Variants in DTD1 observed in about 807,000 individuals in gnomAD.
The protein encoded by DTD1 is D-tyrosyl-tRNA deacylase 1 homolog.
A neutral mutation model predicts 25.6 loss-of-function variants in DTD1; 13 were observed. The ratio of observed to expected loss-of-function variants is 0.51; its 90% CI spans 0.33 to 0.81. DTD1 has a LOEUF of 0.81. Among genes scored for constraint, DTD1 ranks in the 30% least tolerant of loss-of-function variants. The pLI, the probability that DTD1 is intolerant of heterozygous loss-of-function variation, is 0.02. For missense variants in DTD1, 193 were observed against 266.4 expected (o/e 0.72, Z 1.92); for synonymous variants, 110 against 103.6 (o/e 1.06, Z -0.37).
intron 3 of DTD1, among the ~76,000 whole-genome samples, chr20:18,613,376 A>C (rs1039510309): frequency 9.2e-5 from 14 of 152,316 alleles, no homozygotes; most frequent in African/African-American, 3.4e-4. Context: ...CTGCTCTGCG[A>C]AACTGTTGCT....
chr20:18,611,960 T>G (rs1395208818), intron 3 of DTD1, among the ~76,000 whole-genome samples: 1 of 152,024 alleles, frequency 6.6e-6, no homozygotes, highest in Admixed American at 6.6e-5. Context: ...ATTCAAGTGA[T>G]TCTCATGCCT....
At chr20:18,673,070 G>C (rs975291055) in intron 4 of DTD1, among the ~76,000 whole-genome samples, 7 of 152,218 alleles carry the variant, frequency 4.6e-5, no homozygotes, top group African/African-American at 9.6e-5. Context: ...ATTGCAGAAA[G>C]AGTTAAGTGA....
intron 3 of DTD1, among the ~76,000 whole-genome samples, chr20:18,596,542 A>C (rs2060612314): frequency 6.6e-6 from 1 of 152,204 alleles, no homozygotes; most frequent in Non-Finnish European, 1.5e-5. Flanking sequence ...GCCCTGTCCA[A>C]TAGAAGTATA....
intron 3 of DTD1, among the ~76,000 whole-genome samples, chr20:18,617,577 A>T (rs2060713989): frequency 6.6e-6 from 1 of 152,008 alleles, no homozygotes; most frequent in Non-Finnish European, 1.5e-5. Context: ...TAATGATTGA[A>T]TAGGTAGTAG....
At chr20:18,674,145 T>A (rs2060960935) in intron 4 of DTD1, among the ~76,000 whole-genome samples, 1 of 152,206 alleles carries the variant, frequency 6.6e-6, no homozygotes, top group African/African-American at 2.4e-5. Context: ...AGAGAAACTG[T>A]TGCAAGTGAA....
At chr20:18,629,382 C>T (rs1319142267) in intron 4 of DTD1, among the ~76,000 whole-genome samples, 2 of 149,148 alleles carry the variant, frequency 1.3e-5, no homozygotes, top group African/African-American at 5.0e-5. Flanking sequence ...CTCACTCCAG[C>T]CTCGACCTCC....
intron 3 of DTD1, among the ~76,000 whole-genome samples, chr20:18,609,397 C>G (rs1044255077): frequency 1.3e-5 from 2 of 152,018 alleles, no homozygotes; most frequent in African/African-American, 4.8e-5. Context: ...AGCAATCTAC[C>G]TGACATGGCT....
intron 4 of DTD1, among the ~76,000 whole-genome samples, chr20:18,735,703 C>T (rs1820587612): frequency 6.6e-6 from 1 of 152,072 alleles, no homozygotes; most frequent in African/African-American, 2.4e-5. Context: ...ATTGTAGACT[C>T]AAGACAAAGA....
At chr20:18,654,218 C>G (rs1172677103) in intron 4 of DTD1, among the ~76,000 whole-genome samples, 1 of 152,132 alleles carries the variant, frequency 6.6e-6, no homozygotes, top group Non-Finnish European at 1.5e-5. Context: ...GGAGGGTTTT[C>G]CTGTGCTGTT....
intron 3 of DTD1, among the ~76,000 whole-genome samples, chr20:18,598,577 A>G (rs929087853): frequency 6.6e-6 from 1 of 151,684 alleles, no homozygotes; most frequent in Non-Finnish European, 1.5e-5. Context: ...GGCTCACTGC[A>G]AGCTCTGCCT....
At chr20:18,676,024 C>T (rs1040347333) in intron 4 of DTD1, among the ~76,000 whole-genome samples, 6 of 152,160 alleles carry the variant, frequency 3.9e-5, no homozygotes, top group Non-Finnish European at 7.4e-5. Flanking sequence ...TGCCATAAGA[C>T]ATATCATAGT....
intron 4 of DTD1, among the ~76,000 whole-genome samples, chr20:18,713,067 G>T (rs987301051): frequency 1.3e-5 from 2 of 152,258 alleles, no homozygotes; most frequent in Non-Finnish European, 2.9e-5. Context: ...GGGGCTGCTG[G>T]AGAGCTGTTC....
intron 5 of DTD1, among the ~76,000 whole-genome samples, chr20:18,757,947 G>C (rs2061345949): frequency 6.6e-6 from 1 of 152,150 alleles, no homozygotes; most frequent in African/African-American, 2.4e-5. Flanking sequence ...CTCAATTTCA[G>C]AGCCTGTTAT....
At chr20:18,632,318 GGA>G in intron 4 of DTD1, 2 of 985,406 alleles carry the variant, frequency 2.0e-6, no homozygotes, top group Non-Finnish European at 2.4e-6. Flanking sequence ...TCATTTACAT[GGA>G]CCAGTTTCCT....
chr20:18,728,375 A>T (rs1021952514), intron 4 of DTD1, among the ~76,000 whole-genome samples: 2 of 152,232 alleles, frequency 1.3e-5, no homozygotes, highest in African/African-American at 2.4e-5. Flanking sequence ...CGTGCTCCCT[A>T]TGAAACCTCA....
At chr20:18,627,914 A>G (rs1371463644) in intron 3 of DTD1, among the ~76,000 whole-genome samples, 2 of 152,068 alleles carry the variant, frequency 1.3e-5, no homozygotes, top group Non-Finnish European at 2.9e-5. Flanking sequence ...CCATCCATGT[A>G]AGATCTGATT....
intron 4 of DTD1, among the ~76,000 whole-genome samples, chr20:18,666,481 C>T (rs906302479): frequency 5.3e-5 from 8 of 152,286 alleles, no homozygotes; most frequent in African/African-American, 1.7e-4. Flanking sequence ...TGGCAGGACA[C>T]CCAGATAGAT....
At chr20:18,638,113 G>A (rs1055793141) in intron 4 of DTD1, among the ~76,000 whole-genome samples, 4 of 151,846 alleles carry the variant, frequency 2.6e-5, no homozygotes, top group Admixed American at 2.6e-4. Context: ...TCATTTGTTT[G>A]TTTGCTTGCT....
In DTD1 at chr20:18,741,895, GTATTT is replaced by G. The variant is rs1226533753; in HGVS notation, c.478-2203_478-2199del. ...GTGCCACCACGCCTGGCTAACCTTTGTATTTTTTTTTTTTTTTTTTTTTTGTAGAG... is the reference window on the plus strand; with the variant it reads ...GTGCCACCACGCCTGGCTAACCTTTGTTTTTTTTTTTTTTTTTTTGTAGAG... On this transcript the variant is annotated intron_variant, in intron 4 of 5. Coordinates refer to ENST00000377452, the MANE Select transcript of DTD1 (RefSeq NM_080820.6). Among the ~76,000 whole-genome samples, 21 of 116,750 alleles carry G rather than the reference GTATTT, an allele frequency of 1.8e-4. 1 individual carries two copies. Among genetic ancestry groups the G allele is most frequent in the Non-Finnish European group, 2.7e-4 (15 of 55,824 alleles). 76.6% of individuals were successfully genotyped at this position (116,750 alleles called of 152,430 possible).
Sources: allele counts gnomAD v4.1 joint callset (sites outside exome capture counted in the v4.1 genomes callset), GRCh38; gene constraint gnomAD v4.1.1; transcripts MANE v1.5; gene names NCBI Gene and HGNC (gene_info 2026-07-23, HGNC 2026-07-21).